The following GRM5 variants were observed in gnomAD, a reference collection of about 807,000 sequenced individuals.
The protein encoded by GRM5 is metabotropic glutamate receptor 5.
GRM5 carries 19 observed loss-of-function variants against 83.1 expected under a neutral mutation model. The ratio of observed to expected loss-of-function variants is 0.23; its 90% CI spans 0.16 to 0.34. GRM5 has a LOEUF of 0.34. Ranked by LOEUF, GRM5 falls within the 10% of genes least tolerant of loss-of-function variation. GRM5 has a pLI of 1.00. For missense variants in GRM5, 1,160 were observed against 1,588.3 expected (o/e 0.73, Z 4.58); for synonymous variants, 675 against 633.6 (o/e 1.07, Z -0.98).
chr11:88,677,188 T>C (rs1326143990), intron 3 of GRM5, among the ~76,000 whole-genome samples: 1 of 152,116 alleles, frequency 6.6e-6, no homozygotes, highest in Non-Finnish European at 1.5e-5. Context: ...TAATAACTTT[T>C]ATTCAGTTGT....
intron 2 of GRM5, among the ~76,000 whole-genome samples, chr11:89,011,283 A>T (rs1940691418): frequency 2.0e-5 from 3 of 152,108 alleles, no homozygotes; most frequent in African/African-American, 7.2e-5. Context: ...TCTTATTTTA[A>T]CATGGTATTG....
At chr11:88,742,101 G>A (rs1053390095) in intron 3 of GRM5, among the ~76,000 whole-genome samples, 6 of 152,122 alleles carry the variant, frequency 3.9e-5, no homozygotes, top group Middle Eastern at 3.4e-3. Context: ...CTGTAAAAGC[G>A]TGGCATTGAA....
intron 2 of GRM5, among the ~76,000 whole-genome samples, chr11:88,911,172 T>TA (rs995230329): frequency 6.6e-5 from 10 of 151,768 alleles, no homozygotes; most frequent in African/African-American, 2.4e-4. Flanking sequence ...CTAAAAACAA[T>TA]AAAAAAAGGG....
At chr11:89,061,693 A>C (rs1941996757) in intron 1 of GRM5, among the ~76,000 whole-genome samples, 1 of 152,218 alleles carries the variant, frequency 6.6e-6, no homozygotes, top group Non-Finnish European at 1.5e-5. Context: ...AAGGTATACT[A>C]TAAAGTGATA....
At position 88,943,681 on chromosome 11, in the gene GRM5, T is replaced by C. The variant is rs1414928860; in HGVS notation, c.662-93526A>G. Among the ~76,000 whole-genome samples the C allele has an allele frequency of 3.9e-5, 6 of 152,064 alleles. No individual in the cohort carries two copies. In the East Asian group the frequency reaches 5.8e-4, roughly 15 times the overall value. On this transcript the variant is annotated intron_variant, in intron 2 of 9. Transcript: ENST00000305447. ...CCAGCAACAAAAAGTAGTTTTAGTA[T>C]AGGAGAAATAGCAAAAGAACAGGAG...
chr11:89,055,045 C>T (rs921155525), intron 1 of GRM5, among the ~76,000 whole-genome samples: 1 of 152,206 alleles, frequency 6.6e-6, no homozygotes, highest in African/African-American at 2.4e-5. Context: ...CTCCTTCCAT[C>T]CATTCCTCCT....
chr11:88,738,546 G>C (rs997006597), intron 3 of GRM5, among the ~76,000 whole-genome samples: 1 of 152,002 alleles, frequency 6.6e-6, no homozygotes, highest in East Asian at 1.9e-4. Context: ...ATTTAAACAT[G>C]AACAACTATT....
chr11:88,998,380 A>AT (rs1184901789), intron 2 of GRM5, among the ~76,000 whole-genome samples: 1 of 152,172 alleles, frequency 6.6e-6, no homozygotes, highest in African/African-American at 2.4e-5. Context: ...AAATTCATTG[A>AT]TTTAAAAAAC....
At chr11:88,842,671 C>G (rs1944223823) in intron 3 of GRM5, among the ~76,000 whole-genome samples, 2 of 152,146 alleles carry the variant, frequency 1.3e-5, no homozygotes, top group African/African-American at 4.8e-5. Flanking sequence ...TTTGCCTGTT[C>G]CTGTCTCCAA....
At chr11:89,053,052 C>T (rs547264198) in intron 1 of GRM5, among the ~76,000 whole-genome samples, 13 of 152,202 alleles carry the variant, frequency 8.5e-5, no homozygotes, top group African/African-American at 3.1e-4. Context: ...ATGAAAGATA[C>T]TACCAATGTC....
At chr11:88,874,603 A>G (rs1014757051) in intron 2 of GRM5, among the ~76,000 whole-genome samples, 3 of 151,956 alleles carry the variant, frequency 2.0e-5, no homozygotes, top group African/African-American at 7.2e-5. Context: ...GAATTATATC[A>G]AACTAAAAAG....
intron 4 of GRM5, among the ~76,000 whole-genome samples, chr11:88,611,986 C>T (rs1308677611): frequency 6.6e-6 from 1 of 150,860 alleles, no homozygotes; most frequent in Admixed American, 6.6e-5. Context: ...TTTTATTATA[C>T]TTTAAGTTTT....
At chr11:88,979,878 T>C (rs1939470404) in intron 2 of GRM5, among the ~76,000 whole-genome samples, 1 of 152,176 alleles carries the variant, frequency 6.6e-6, no homozygotes, top group Admixed American at 6.5e-5. Flanking sequence ...TTAAACACTG[T>C]TGCTGTTGAG....
chr11:88,955,789 T>C (rs1938592502), intron 2 of GRM5, among the ~76,000 whole-genome samples: 1 of 152,234 alleles, frequency 6.6e-6, no homozygotes, highest in Admixed American at 6.5e-5. Context: ...AAGTCTTTTC[T>C]CTCATCAGAA....
intron 2 of GRM5, among the ~76,000 whole-genome samples, chr11:88,868,980 A>T (rs771617704): frequency 6.6e-6 from 1 of 151,718 alleles, no homozygotes; most frequent in Non-Finnish European, 1.5e-5. Context: ...GGCTTTTTTC[A>T]ACTCTGCTGC....
chr11:88,667,688 T>C (rs574621932), intron 3 of GRM5, among the ~76,000 whole-genome samples: 11 of 152,062 alleles, frequency 7.2e-5, no homozygotes, highest in African/African-American at 2.4e-4. Context: ...GGTCAGGAGT[T>C]CAAGACCACC....
intron 2 of GRM5, among the ~76,000 whole-genome samples, chr11:88,978,474 TAAAAAAAAAAA>T (rs200343438): frequency 3.0e-4 from 29 of 97,968 alleles, no homozygotes; most frequent in South Asian, 6.2e-4. Flanking sequence ...CAGATGAGCT[TAAAAAAAAAAA>T]AAAAAAAAAA....
chr11:88,930,260 A>T (rs2135645408), intron 2 of GRM5, among the ~76,000 whole-genome samples: 1 of 152,068 alleles, frequency 6.6e-6, no homozygotes, highest in South Asian at 2.1e-4. Flanking sequence ...ATTAAAAAAA[A>T]AAAATTAGTT....
chr11:88,838,102 A>AAAAAAAAAAAAAAAAAAAT (rs1944126493), intron 3 of GRM5, among the ~76,000 whole-genome samples: 1 of 150,768 alleles, frequency 6.6e-6, no homozygotes, highest in Non-Finnish European at 1.5e-5. Context: ...AAAAAAAAAA[A>AAAAAAAAAAAAAAAAAAAT]AAAAAAAGAT....
Sources: gnomAD v4.1 joint callset for allele counts (sites outside exome capture counted in the v4.1 genomes callset) on GRCh38, gnomAD v4.1.1 for gene constraint, MANE v1.5 for transcripts, NCBI Gene and HGNC (gene_info 2026-07-23, HGNC 2026-07-21) for gene names.